FBN3: variants seen among roughly 807,000 people sequenced by gnomAD.
FBN3 encodes fibrillin 3.
In FBN3, 234 loss-of-function variants were observed where a neutral mutation model predicts 330.1. That is an observed-to-expected ratio of 0.71 (90% CI 0.64 to 0.79). The LOEUF is 0.79. Among genes scored for constraint, FBN3 ranks in the 30% least tolerant of loss-of-function variants. The probability of loss-of-function intolerance (pLI) is 0.00; values close to 1 mark genes in which losing one functional copy is unlikely to be tolerated. For missense variants in FBN3, 3,606 were observed against 3,886.9 expected (o/e 0.93, Z 1.92); for synonymous variants, 1,458 against 1,517.3 (o/e 0.96, Z 0.91).
At chr19:8,098,291 A>ACTGGAAACAAACTAAGTGTCCATCAGTG (rs2082253177) in intron 41 of FBN3, among the ~76,000 whole-genome samples, 1 of 150,064 alleles carries the variant, frequency 6.7e-6, no homozygotes, top group Non-Finnish European at 1.5e-5. Context: ...GTCCATCAGT[A>ACTGGAAACAAACTAAGTGTCCATCAGTG]GGGGACTGGA....
chr19:8,114,993 C>T (rs1353932574), intron 30 of FBN3, among the ~76,000 whole-genome samples: 1 of 152,088 alleles, frequency 6.6e-6, no homozygotes, highest in Non-Finnish European at 1.5e-5. Flanking sequence ...CCCAGCCTCC[C>T]GAGTAGCTGG....
At chr19:8,108,793 A>G (rs970585767) in intron 36 of FBN3, among the ~76,000 whole-genome samples, 1 of 152,070 alleles carries the variant, frequency 6.6e-6, no homozygotes, top group South Asian at 2.1e-4. Flanking sequence ...CAGAGCTTTC[A>G]CTTCCCCACA....
chr19:8,117,148 G>A (rs748267190), intron 28 of FBN3, 21 bp downstream of exon 28: 6 of 1,613,706 alleles, frequency 3.7e-6, no homozygotes, highest in Admixed American at 1.7e-5. Flanking sequence ...CAGGCAGTGG[G>A]AAGAAGTTGT....
In FBN3 at chr19:8,111,946, TTGCCCCCACTCCC is replaced by T; in HGVS notation, c.3961+18_3961+30del. ...TTGCCCCCCACCTACCTCTACTGCT[TTGCCCCCACTCCC>T]TGCCCCCAGGTACTCACCGTGACAT... On this transcript the variant is annotated intron_variant, in intron 31 of 63. Transcript: ENST00000600128. The T allele has an allele frequency of 1.2e-6, 1 of 869,554 alleles. No homozygotes were observed. The highest frequency in any genetic ancestry group is 1.6e-6 in the Non-Finnish European group (1 of 618,860). The allele number at this position is 869,554 out of a possible 1,614,324, so 53.9% of individuals were successfully genotyped here.
chr19:8,091,576 A>G lies in FBN3; in HGVS notation c.5920T>C (p.Ser1974Pro), dbSNP rs1319858815. ...AAGAGGCAGAGGTTGGGCTCCTCTGAGCACTCGTCGATATCTGGAAGGGCA... is the reference window on the plus strand; with the variant it reads ...AAGAGGCAGAGGTTGGGCTCCTCTGGGCACTCGTCGATATCTGGAAGGGCA... ...SDHCIDIDEC[S>P]EEPNLCLFGT... is the part of the protein sequence containing the mutation. Residue 1974 changes from serine (S) to proline (P), a missense_variant, in exon 48 of 64, where the codon TCA becomes CCA. Transcript: ENST00000600128. The G allele has an allele frequency of 6.2e-7, 1 of 1,614,006 alleles. No individual in the cohort carries two copies.
chr19:8,089,530 G>T lies in FBN3; in HGVS notation c.6376+15C>A. The T allele has an allele frequency of 6.2e-7, 1 of 1,613,774 alleles. No individual in the cohort carries two copies. The highest frequency in any genetic ancestry group is 8.5e-7 in the Non-Finnish European group (1 of 1,179,812). On this transcript the variant is annotated intron_variant, in intron 51 of 63. Transcript: ENST00000600128. ...AGGGGCCTGGGACAGAGCTGGGGAA[G>T]GGCTGGCCACTCACCCACACAGTTG...
chr19:8,087,950 G>A lies in FBN3; in HGVS notation c.6497-3C>T. Reference sequence around the variant, plus strand: ...GTTCAGGGAGCATTCGTCGATGTCTGGGGAGGCCAGTGGAGGTGCCAGCTG... The same window carrying A: ...GTTCAGGGAGCATTCGTCGATGTCTAGGGAGGCCAGTGGAGGTGCCAGCTG... On this transcript the variant is annotated splice_polypyrimidine_tract_variant and splice_region_variant and intron_variant, in intron 52 of 63. Transcript: ENST00000600128. 6.2e-7 allele frequency: 1 copy of A among 1,614,128 alleles called. No homozygotes were observed. The highest frequency in any genetic ancestry group is 1.3e-5 in the African/African-American group (1 of 75,024).
intron 10 of FBN3, among the ~76,000 whole-genome samples, chr19:8,137,106 G>C (rs1205029796): frequency 6.7e-6 from 1 of 149,354 alleles, no homozygotes; most frequent in Non-Finnish European, 1.5e-5. Context: ...CTGGTGCCTA[G>C]ATCCCTCCAA....
At chr19:8,141,566 G>A in intron 8 of FBN3, 151 bp downstream of exon 8, 2 of 845,614 alleles carry the variant, frequency 2.4e-6, no homozygotes, top group South Asian at 3.5e-5. Flanking sequence ...CGGACAGGCT[G>A]AGACACTCAT....
At chr19:8,107,176 T>G (rs2082458990) in intron 37 of FBN3, among the ~76,000 whole-genome samples, 1 of 134,888 alleles carries the variant, frequency 7.4e-6, no homozygotes, top group African/African-American at 2.8e-5. Flanking sequence ...TAAAGGATAG[T>G]TGGATGGAAG....
In FBN3 at chr19:8,142,016, T is replaced by C. The variant is rs757414750; in HGVS notation, c.663A>G (p.Pro221=). ...CATVGRAWGL[P]CELCPAQPHP... is the part of the protein sequence containing the mutation. ...GTGGCTGTGCAGGGCAAAGTTCACA[T>C]GGAAGGCCCCAGGCACGGCCCACAG... Residue 221 remains proline (P), a synonymous_variant, in exon 7 of 64, where the codon CCA becomes CCG. Transcript: ENST00000600128. The C allele has an allele frequency of 3.1e-6, 5 of 1,614,166 alleles. No homozygotes were observed. The highest frequency in any genetic ancestry group is 1.7e-5 in the Admixed American group (1 of 60,028).
At chr19:8,089,299 C>T (rs2082039270) in intron 51 of FBN3, among the ~76,000 whole-genome samples, 1 of 151,722 alleles carries the variant, frequency 6.6e-6, no homozygotes, top group African/African-American at 2.4e-5. Context: ...ATGAATGAGT[C>T]AGTAAATGAA....
At chr19:8,084,502 T>C (rs2081889275) in intron 56 of FBN3, among the ~76,000 whole-genome samples, 1 of 151,720 alleles carries the variant, frequency 6.6e-6, no homozygotes, top group African/African-American at 2.4e-5. Context: ...CAAAACCTCA[T>C]CTTTACTGGC....
chr19:8,123,698 C>G, intron 23 of FBN3, 86 bp downstream of exon 23: 2 of 1,593,662 alleles, frequency 1.3e-6, no homozygotes, highest in African/African-American at 1.3e-5. Context: ...CCCTTTTCCC[C>G]CAAACACACT....
At chr19:8,091,714 G>A (rs2082099481) in intron 47 of FBN3, 124 bp from the exon 48 acceptor site, 1 of 1,060,064 alleles carries the variant, frequency 9.4e-7, no homozygotes, top group Admixed American at 2.4e-5. Flanking sequence ...GTGGGGCTGG[G>A]GTCCTGAGAG....
intron 41 of FBN3, among the ~76,000 whole-genome samples, chr19:8,100,618 A>G (rs7259018): frequency 0.93 from 140,891 of 152,208 alleles, 66,171 homozygotes; most frequent in Non-Finnish European, 1. Context: ...GATGACAGGC[A>G]TGAGCCACTG....
intron 6 of FBN3, among the ~76,000 whole-genome samples, chr19:8,144,426 A>C (rs1004152990): frequency 1.3e-5 from 2 of 151,272 alleles, no homozygotes; most frequent in African/African-American, 4.9e-5. Flanking sequence ...TGCAATAAAG[A>C]GGGGGTTTGC....
chr19:8,125,257 A>C (rs1486513187), intron 22 of FBN3, among the ~76,000 whole-genome samples: 1 of 152,046 alleles, frequency 6.6e-6, no homozygotes, highest in Non-Finnish European at 1.5e-5. Flanking sequence ...ATACCAATAA[A>C]TAAATAAATT....
chr19:8,094,871 T>C (rs980980459), intron 46 of FBN3, among the ~76,000 whole-genome samples: 12 of 152,232 alleles, frequency 7.9e-5, no homozygotes, highest in African/African-American at 2.9e-4. Context: ...GCTTCTACTA[T>C]TCTTTGCTTC....
Sources: gnomAD v4.1 joint callset for allele counts (sites outside exome capture counted in the v4.1 genomes callset) on GRCh38, gnomAD v4.1.1 for gene constraint, MANE v1.5 for transcripts, NCBI Gene and HGNC (gene_info 2026-07-23, HGNC 2026-07-21) for gene names.